SND1: variants seen among roughly 807,000 people sequenced by gnomAD.
SND1 encodes staphylococcal nuclease domain-containing protein 1.
Under a neutral mutation model 121.7 loss-of-function variants are expected in SND1, and 38 were observed. That is an observed-to-expected ratio of 0.31 (90% CI 0.24 to 0.41). The LOEUF (loss-of-function observed/expected upper bound fraction) is 0.41. Among genes scored for constraint, SND1 ranks in the 10% least tolerant of loss-of-function variants. SND1 has a pLI of 1.00. For synonymous variants in SND1, 401 were observed against 447.4 expected, an observed-to-expected ratio of 0.90 and a Z score of 1.31; for missense variants, 868 against 1,184.6, an observed-to-expected ratio of 0.73 and a Z score of 3.92.
At chr7:127,666,918 A>G (rs1795429951) in intron 1 of SND1, among the ~76,000 whole-genome samples, 1 of 152,164 alleles carries the variant, frequency 6.6e-6, no homozygotes, top group African/African-American at 2.4e-5. Flanking sequence ...CCTTTATGAT[A>G]ATCTCCCTAG....
At chr7:128,019,024 A>G (rs777063756) in intron 16 of SND1, among the ~76,000 whole-genome samples, 5 of 152,102 alleles carry the variant, frequency 3.3e-5, no homozygotes, top group Non-Finnish European at 7.4e-5. Flanking sequence ...CACATCTCAA[A>G]TGTCCATCAG....
Position 128,085,561 on chromosome 7 carries a change from G to C in SND1, c.2235-150G>C. ...GGTGGTGACCACAGTGGCCGAGGCT[G>C]GGCCTAGATGGAGTGCAGTTACTGT... is the stretch of plus-strand genomic sequence containing the variant. On this transcript the variant is annotated intron_variant, in intron 19 of 23. Transcript: ENST00000354725. The surrounding 1 kb of genome is among the most constrained non-coding windows in gnomAD (Gnocchi z 4.4). The C allele has an allele frequency of 1.5e-6, 1 of 687,124 alleles. No homozygotes were observed. Among genetic ancestry groups the C allele is most frequent in the African/African-American group, 1.8e-5 (1 of 56,482 alleles). 42.6% of individuals were successfully genotyped at this position (687,124 alleles called of 1,614,324 possible).
At chr7:128,012,555 T>G (rs1053335868) in intron 16 of SND1, among the ~76,000 whole-genome samples, 3 of 151,924 alleles carry the variant, frequency 2.0e-5, no homozygotes, top group Non-Finnish European at 4.4e-5. Flanking sequence ...TTCCCAGGAG[T>G]CCACATGCCC....
At chr7:127,781,764 A>C (rs1412837592) in intron 10 of SND1, among the ~76,000 whole-genome samples, 2 of 152,238 alleles carry the variant, frequency 1.3e-5, no homozygotes, top group African/African-American at 4.8e-5. Context: ...AAGTAAAAGC[A>C]ATCATAATGA....
chr7:127,743,853 A>G (rs1296199286), intron 10 of SND1, among the ~76,000 whole-genome samples: 1 of 152,218 alleles, frequency 6.6e-6, no homozygotes, highest in Non-Finnish European at 1.5e-5. Flanking sequence ...AAATTGGCCA[A>G]GGCAATCATG....
At chr7:128,073,044 G>A (rs1040891181) in intron 16 of SND1, among the ~76,000 whole-genome samples, 3 of 152,212 alleles carry the variant, frequency 2.0e-5, no homozygotes, top group Admixed American at 6.5e-5. Flanking sequence ...GTCCTGGATG[G>A]TGGAGGGGGC....
At chr7:127,904,918 G>C in intron 14 of SND1, 99 bp downstream of exon 14, 2 of 790,026 alleles carry the variant, frequency 2.5e-6, no homozygotes. Flanking sequence ...TCTCTAGCTC[G>C]CTCCTTTTCA....
intron 15 of SND1, among the ~76,000 whole-genome samples, chr7:127,936,749 G>A (rs910516164): frequency 4.6e-5 from 7 of 152,040 alleles, no homozygotes; most frequent in African/African-American, 1.7e-4. Context: ...TCTCAACTGT[G>A]TTGCCCAGGC....
intron 15 of SND1, among the ~76,000 whole-genome samples, chr7:127,938,176 CATTATAGGA>C (rs1801101891): frequency 6.6e-6 from 1 of 152,122 alleles, no homozygotes; most frequent in African/African-American, 2.4e-5. Flanking sequence ...TTAAAGATAT[CATTATAGGA>C]ATTATAAGAA....
rs552873253 is a variant in SND1, at chr7:127,686,609, G to T, written c.79-4G>T. On this transcript the variant is annotated splice_polypyrimidine_tract_variant and splice_region_variant and intron_variant, in intron 1 of 23. Coordinates refer to ENST00000354725, the MANE Select transcript of SND1 (RefSeq NM_014390.4). Reference sequence around the variant, plus strand: ...TTCATTTTCTCTTTCTTCCCCCTACGTAGGTCCTCTCAGGGTGCGCCATCA... The same window carrying T: ...TTCATTTTCTCTTTCTTCCCCCTACTTAGGTCCTCTCAGGGTGCGCCATCA... The T allele has an allele frequency of 6.2e-7, 1 of 1,613,340 alleles. No individual in the cohort carries two copies. Among genetic ancestry groups the T allele is most frequent in the Admixed American group, 1.7e-5 (1 of 59,990 alleles).
chr7:127,919,198 C>A (rs980976933), intron 14 of SND1, among the ~76,000 whole-genome samples: 2 of 152,088 alleles, frequency 1.3e-5, no homozygotes, highest in African/African-American at 2.4e-5. Flanking sequence ...AGCCATTTAG[C>A]CTTTACTAAC....
At chr7:127,740,550 T>C (rs776309093) in intron 10 of SND1, among the ~76,000 whole-genome samples, 1 of 152,150 alleles carries the variant, frequency 6.6e-6, no homozygotes, top group Non-Finnish European at 1.5e-5. Flanking sequence ...AGCAGAATAA[T>C]GCAGAGGAAA....
At chr7:127,789,556 T>G (rs1156478414) in intron 10 of SND1, among the ~76,000 whole-genome samples, 1 of 152,208 alleles carries the variant, frequency 6.6e-6, no homozygotes. Flanking sequence ...TAAACATTCA[T>G]GGTCTTCAGC....
intron 16 of SND1, among the ~76,000 whole-genome samples, chr7:128,037,628 C>T (rs1391807173): frequency 6.6e-6 from 1 of 152,078 alleles, no homozygotes; most frequent in East Asian, 1.9e-4. Flanking sequence ...GGGAAAGGGA[C>T]AATGCATCTG....
chr7:128,058,937 G>T (rs1437640490), intron 16 of SND1, among the ~76,000 whole-genome samples: 1 of 152,008 alleles, frequency 6.6e-6, no homozygotes, highest in South Asian at 2.1e-4. Flanking sequence ...CTTCAAGTCA[G>T]CTCTCTCCAG....
At chr7:127,755,506 A>C (rs1023663679) in intron 10 of SND1, among the ~76,000 whole-genome samples, 1 of 152,238 alleles carries the variant, frequency 6.6e-6, no homozygotes, top group Non-Finnish European at 1.5e-5. Context: ...TGAAAAAGTC[A>C]AATCTGTCTT....
At position 127,713,242 on chromosome 7, in the gene SND1, A is replaced by G. The variant is rs938561066; in HGVS notation, c.1038+5595A>G. 2.0e-5 allele frequency among the ~76,000 whole-genome samples: 3 copies of G among 152,386 alleles called. No individual in the cohort carries two copies. The East Asian group carries it at 5.8e-4, about 29-fold the overall frequency. ...CCAGGAAAACTTTATAACAATATGA[A>G]GTGGGCTGGATGGCCCTTGGGCCAT... is the stretch of plus-strand genomic sequence containing the variant. On this transcript the variant is annotated intron_variant, in intron 9 of 23. Transcript: ENST00000354725.
intron 11 of SND1, among the ~76,000 whole-genome samples, chr7:127,838,506 A>G (rs887572464): frequency 6.6e-6 from 1 of 152,226 alleles, no homozygotes; most frequent in African/African-American, 2.4e-5. Context: ...AAATATCCAT[A>G]GTTAACCTAT....
At chr7:127,897,404 TTTATC>T (rs1800142308) in intron 13 of SND1, among the ~76,000 whole-genome samples, 1 of 152,162 alleles carries the variant, frequency 6.6e-6, no homozygotes, top group Non-Finnish European at 1.5e-5. Flanking sequence ...TAACAAGTAT[TTTATC>T]AGGTATTTTG....
Sources: allele counts gnomAD v4.1 joint callset (sites outside exome capture counted in the v4.1 genomes callset), GRCh38; gene constraint gnomAD v4.1.1; non-coding constraint Gnocchi (gnomAD v3.1); transcripts MANE v1.5; gene names NCBI Gene and HGNC (gene_info 2026-07-23, HGNC 2026-07-21).